The following SSUH2 variants were observed in gnomAD, a reference collection of about 807,000 sequenced individuals.
SSUH2 encodes the protein ssu-2 homolog, also known as protein SSUH2 homolog.
In SSUH2, 47 loss-of-function variants were observed where a neutral mutation model predicts 55.3. The observed-to-expected ratio is 0.85, with a 90% CI of 0.67 to 1.08. The LOEUF (loss-of-function observed/expected upper bound fraction) is 1.08. Among genes scored for constraint, SSUH2 ranks in the 50% least tolerant of loss-of-function variants. SSUH2 has a pLI of 0.00. For missense variants in SSUH2, 535 were observed against 490.7 expected (o/e 1.09, Z -0.85); for synonymous variants, 212 against 191.5 (o/e 1.11, Z -0.89).
chr3:8,661,859 C>T (rs1023673268), intron 6 of SSUH2, among the ~76,000 whole-genome samples: 2 of 152,136 alleles, frequency 1.3e-5, no homozygotes, highest in African/African-American at 4.8e-5. Context: ...GGGAGGGACC[C>T]AGTGGGAGAT....
Position 8,635,397 on chromosome 3 carries a change from G to A in SSUH2, c.128-16C>T, listed in dbSNP as rs1466189124. The A allele has an allele frequency of 3.3e-6, 5 of 1,529,126 alleles. No homozygotes were observed. Among genetic ancestry groups the A allele is most frequent in the African/African-American group, 2.7e-5 (2 of 72,898 alleles). 94.7% of individuals were successfully genotyped at this position (1,529,126 alleles called of 1,614,324 possible). ...ATCTGTCCTCCTGGAGAAGGGAAGA[G>A]TCAGGGGCTGGACAGCCCAGGCCAA... On this transcript the variant is annotated splice_polypyrimidine_tract_variant and intron_variant, in intron 2 of 11. Transcript: ENST00000544814.
intron 5 of SSUH2, among the ~76,000 whole-genome samples, chr3:8,669,556 T>C (rs1293532535): frequency 6.6e-6 from 1 of 152,170 alleles, no homozygotes; most frequent in Non-Finnish European, 1.5e-5. Flanking sequence ...CCCCAAAATA[T>C]GTATTATTTA....
chr3:8,659,308 C>T (rs1703244774), intron 6 of SSUH2, among the ~76,000 whole-genome samples: 1 of 152,138 alleles, frequency 6.6e-6, no homozygotes, highest in Admixed American at 6.5e-5. Flanking sequence ...ACAAAATCTC[C>T]AAGCTTTACT....
chr3:8,639,476 C>T (rs967154380), intron 1 of SSUH2, among the ~76,000 whole-genome samples: 3 of 152,200 alleles, frequency 2.0e-5, no homozygotes, highest in Admixed American at 6.5e-5. Flanking sequence ...AGCCCAGTGA[C>T]CTTTCTACTT....
intron 3 of SSUH2, among the ~76,000 whole-genome samples, chr3:8,674,339 A>G (rs1028659780): frequency 1.3e-5 from 2 of 152,186 alleles, no homozygotes; most frequent in African/African-American, 4.8e-5. Flanking sequence ...AAAGAAAACA[A>G]GGTGACTCAG....
chr3:8,634,092 T>C (rs11131140), intron 3 of SSUH2: 624,634 of 802,524 alleles, frequency 0.78, 243,868 homozygotes, highest in East Asian at 0.85. Context: ...TAGAGAGGAA[T>C]TGTACCATTT....
At chr3:8,646,631 T>C (rs1559457155), upstream of SSUH2, among the ~76,000 whole-genome samples, 1 of 152,244 alleles carries the variant, frequency 6.6e-6, no homozygotes, top group Non-Finnish European at 1.5e-5. Flanking sequence ...CTTTCTGATC[T>C]TGCTTCGGCA....
intron 7 of SSUH2, among the ~76,000 whole-genome samples, chr3:8,653,114 T>C (rs1301258614): frequency 1.3e-5 from 2 of 152,190 alleles, no homozygotes; most frequent in East Asian, 1.9e-4. Context: ...TGGATCTAAA[T>C]TGAGAATCAC....
upstream of SSUH2, among the ~76,000 whole-genome samples, chr3:8,647,724 C>T (rs1031909330): frequency 1.3e-5 from 2 of 152,256 alleles, no homozygotes; most frequent in Non-Finnish European, 2.9e-5. Flanking sequence ...GAACCAGGCC[C>T]TGCCTCGGGC....
intron 5 of SSUH2, among the ~76,000 whole-genome samples, 177 bp downstream of exon 5, chr3:8,631,872 C>T (rs1285854895): frequency 6.6e-6 from 1 of 151,672 alleles, no homozygotes; most frequent in East Asian, 1.9e-4. Context: ...AAGATAAGCA[C>T]TGGAAAGTCT....
intron 4 of SSUH2, among the ~76,000 whole-genome samples, chr3:8,671,687 C>A (rs1359668387): frequency 6.6e-6 from 1 of 151,992 alleles, no homozygotes; most frequent in South Asian, 2.1e-4. Context: ...GGGTGTATAC[C>A]CCGGTGACTT....
chr3:8,650,469 T>G (rs908467657), intron 7 of SSUH2, among the ~76,000 whole-genome samples: 1 of 152,232 alleles, frequency 6.6e-6, no homozygotes, highest in Non-Finnish European at 1.5e-5. Context: ...ATGCAGGGAC[T>G]TTATCTTCCC....
chr3:8,627,652 C>T, intron 8 of SSUH2, 46 bp downstream of exon 8: 1 of 1,463,946 alleles, frequency 6.8e-7, no homozygotes, highest in Middle Eastern at 1.8e-4. Flanking sequence ...AATGAAAAGC[C>T]AGAAAGCAAG....
intron 7 of SSUH2, among the ~76,000 whole-genome samples, chr3:8,629,026 T>C (rs892277742): frequency 5.9e-5 from 9 of 152,112 alleles, no homozygotes; most frequent in Non-Finnish European, 1.2e-4. Context: ...CAGCTAATTT[T>C]TTGTATTTTT....
chr3:8,625,593 C>A lies in SSUH2; in HGVS notation c.822G>T (p.Glu274Asp). The A allele has an allele frequency of 1.2e-6, 2 of 1,614,022 alleles. No homozygotes were observed. Among genetic ancestry groups the A allele is most frequent in the Non-Finnish European group, 1.7e-6 (2 of 1,179,944 alleles). The part of the protein sequence containing the change: ...VSEHRLNCPR[E>D]LLAKAKGENL... Reference sequence around the variant, plus strand: ...TTTCTCCTTTGGCTTTAGCAAGGAGCTCCCTGGGGCAGTTGAGCCGGTGCT... The same window carrying A: ...TTTCTCCTTTGGCTTTAGCAAGGAGATCCCTGGGGCAGTTGAGCCGGTGCT... The change falls in exon 10 of 12, where the codon GAG becomes GAT. Residue 274 changes from glutamate (E) to aspartate (D), a missense_variant. Coordinates refer to ENST00000544814, the MANE Select transcript of SSUH2 (RefSeq NM_001256748.3).
At chr3:8,641,331 A>G (rs546362274) in intron 1 of SSUH2, among the ~76,000 whole-genome samples, 1 of 152,376 alleles carries the variant, frequency 6.6e-6, no homozygotes, top group Non-Finnish European at 1.5e-5. Context: ...CAATGACCAC[A>G]GCACAAAATA....
intron 1 of SSUH2, chr3:8,640,069 G>C: frequency 2.3e-6 from 2 of 876,864 alleles, no homozygotes; most frequent in Non-Finnish European, 2.7e-6. Context: ...GTTGACAGGG[G>C]CTGTGGGGAG....
At chr3:8,649,189 A>T (rs907023224), upstream of SSUH2, among the ~76,000 whole-genome samples, 10 of 152,162 alleles carry the variant, frequency 6.6e-5, no homozygotes, top group Non-Finnish European at 1.2e-4. Context: ...TCCCACACAC[A>T]AAGGTCCTCC....
intron 2 of SSUH2, among the ~76,000 whole-genome samples, chr3:8,677,682 A>C (rs35422335): frequency 6.6e-6 from 1 of 150,914 alleles, no homozygotes; most frequent in African/African-American, 2.4e-5. Flanking sequence ...ACAACTAGAC[A>C]GGGTTTCTAA....
Sources: allele counts gnomAD v4.1 joint callset (sites outside exome capture counted in the v4.1 genomes callset), GRCh38; gene constraint gnomAD v4.1.1; transcripts MANE v1.5; gene names NCBI Gene and HGNC (gene_info 2026-07-23, HGNC 2026-07-21).